The following SPATA16 variants were observed in gnomAD, a reference collection of about 807,000 sequenced individuals.
SPATA16 encodes spermatogenesis-associated protein 16.
In SPATA16, 36 loss-of-function variants were observed where a neutral mutation model predicts 63.3. The ratio of observed to expected loss-of-function variants is 0.57; its 90% CI spans 0.44 to 0.75. The LOEUF (loss-of-function observed/expected upper bound fraction) is 0.75, where lower values mean the gene tolerates loss of function less well. Ranked by LOEUF, SPATA16 falls within the 30% of genes least tolerant of loss-of-function variation. SPATA16 has a pLI of 0.00. For missense variants in SPATA16, 646 were observed against 679.3 expected (o/e 0.95, Z 0.54); for synonymous variants, 203 against 216.7 (o/e 0.94, Z 0.56).
Position 173,061,084 on chromosome 3 carries a change from C to T in SPATA16, c.613-11990G>A, listed in dbSNP as rs112462217. Among the ~76,000 whole-genome samples the T allele has an allele frequency of 2.4e-3, 370 of 152,280 alleles. 2 individuals are homozygous for T. Among genetic ancestry groups the T allele is most frequent in the African/African-American group, 8.5e-3 (355 of 41,550 alleles). ...CTAGAATTGGAAGGGGAAAAAGAAT[C>T]CCAGACTTCAGTCACCAGAGTTCAC... is the stretch of plus-strand genomic sequence containing the variant. On this transcript the variant is annotated intron_variant, in intron 2 of 10. Transcript: ENST00000351008.
chr3:173,077,257 A>G (rs1736829240), intron 2 of SPATA16, among the ~76,000 whole-genome samples: 4 of 152,084 alleles, frequency 2.6e-5, no homozygotes, highest in Admixed American at 2.6e-4. Flanking sequence ...TTCTGATTCC[A>G]AGTATACAGT....
intron 10 of SPATA16, among the ~76,000 whole-genome samples, chr3:172,891,868 C>A (rs1731901507): frequency 6.6e-6 from 1 of 152,272 alleles, no homozygotes; most frequent in South Asian, 2.1e-4. Flanking sequence ...GTCTCAGTAA[C>A]ATTTTTTCAT....
chr3:172,954,683 G>A (rs1733530793), intron 6 of SPATA16, among the ~76,000 whole-genome samples: 1 of 152,100 alleles, frequency 6.6e-6, no homozygotes, highest in Admixed American at 6.6e-5. Flanking sequence ...TTGCCTGGGG[G>A]AAAAAGAGTT....
intron 2 of SPATA16, among the ~76,000 whole-genome samples, chr3:173,050,545 C>T (rs556194360): frequency 2.5e-4 from 38 of 151,818 alleles, no homozygotes; most frequent in Non-Finnish European, 4.9e-4. Context: ...TATATAAATA[C>T]CCCTTTCCTA....
intron 3 of SPATA16, among the ~76,000 whole-genome samples, chr3:173,028,245 A>G (rs1045988459): frequency 6.6e-6 from 1 of 151,624 alleles, no homozygotes; most frequent in Non-Finnish European, 1.5e-5. Flanking sequence ...AATAGGTGGT[A>G]GATCTAGAGA....
chr3:172,984,538 C>T (rs559303295), intron 4 of SPATA16, among the ~76,000 whole-genome samples: 156 of 152,214 alleles, frequency 1.0e-3, no homozygotes, highest in African/African-American at 3.4e-3. Flanking sequence ...AGAAGTTTTT[C>T]GGTCTCTGGA....
At position 172,899,835 on chromosome 3, in the gene SPATA16, G is replaced by A. The variant is rs180988326; in HGVS notation, c.1588-10143C>T. ...ATGTGTGTGTACGTAAAATATGTGT[G>A]TGTGTTCATTTTAAATTTGAAGTAT... On this transcript the variant is annotated intron_variant, in intron 10 of 10. Coordinates refer to ENST00000351008, the MANE Select transcript of SPATA16 (RefSeq NM_031955.6). 7.2e-5 allele frequency among the ~76,000 whole-genome samples: 11 copies of A among 152,126 alleles called. No individual in the cohort carries two copies. In the East Asian group the frequency reaches 1.9e-3, roughly 27 times the overall value.
At chr3:172,893,365 G>A (rs1439295012) in intron 10 of SPATA16, among the ~76,000 whole-genome samples, 1 of 152,148 alleles carries the variant, frequency 6.6e-6, no homozygotes, top group African/African-American at 2.4e-5. Context: ...TTGGGGTGAT[G>A]CCCCCACAAG....
At chr3:172,991,833 A>G (rs1453476950) in intron 4 of SPATA16, among the ~76,000 whole-genome samples, 1 of 152,234 alleles carries the variant, frequency 6.6e-6, no homozygotes, top group Admixed American at 6.5e-5. Context: ...GGTGAACAGC[A>G]TAGGCAAAGT....
At chr3:173,018,682 G>T (rs775479057) in intron 4 of SPATA16, among the ~76,000 whole-genome samples, 5 of 152,078 alleles carry the variant, frequency 3.3e-5, no homozygotes, top group African/African-American at 1.2e-4. Context: ...ACCCCATCTC[G>T]ATTCCTGCAG....
At chr3:173,014,807 T>C (rs367814449) in intron 4 of SPATA16, among the ~76,000 whole-genome samples, 1 of 152,158 alleles carries the variant, frequency 6.6e-6, no homozygotes, top group South Asian at 2.1e-4. Context: ...TTGTACCTGT[T>C]TTCCTGGCGT....
Position 172,889,443 on chromosome 3 carries a change from A to C in SPATA16, c.*127T>G. ...TCTTTGGTAAAGATGAACTGAGGGGAATACCACCTCTTTCTTTTGGTGACA... is the reference window on the plus strand; with the variant it reads ...TCTTTGGTAAAGATGAACTGAGGGGCATACCACCTCTTTCTTTTGGTGACA... On this transcript the variant is annotated 3_prime_UTR_variant, in exon 11 of 11. Transcript: ENST00000351008. The C allele has an allele frequency of 7.6e-7, 1 of 1,308,334 alleles. No individual in the cohort carries two copies. The highest frequency in any genetic ancestry group is 1.1e-6 in the Non-Finnish European group (1 of 914,436). 81.0% of individuals were successfully genotyped at this position (1,308,334 alleles called of 1,614,324 possible).
At chr3:173,094,269 C>CAA (rs1737296672) in intron 2 of SPATA16, among the ~76,000 whole-genome samples, 1 of 152,062 alleles carries the variant, frequency 6.6e-6, no homozygotes, top group Non-Finnish European at 1.5e-5. Context: ...CAAGGGTCAC[C>CAA]GTCCCACTAT....
intron 3 of SPATA16, among the ~76,000 whole-genome samples, chr3:173,028,950 G>C (rs1308394975): frequency 6.6e-6 from 1 of 151,966 alleles, no homozygotes; most frequent in East Asian, 1.9e-4. Flanking sequence ...AATAATATCA[G>C]CCTCAGTAAA....
At chr3:173,139,859 C>T (rs1434009333) in intron 1 of SPATA16, among the ~76,000 whole-genome samples, 3 of 152,086 alleles carry the variant, frequency 2.0e-5, no homozygotes, top group Non-Finnish European at 2.9e-5. Flanking sequence ...GTGGCGTGTG[C>T]TTGTAATCCC....
chr3:172,895,653 A>G (rs1404032710), intron 10 of SPATA16, among the ~76,000 whole-genome samples: 1 of 152,060 alleles, frequency 6.6e-6, no homozygotes, highest in African/African-American at 2.4e-5. Flanking sequence ...TCATTTATAT[A>G]ATTTTGTTAT....
At chr3:173,055,845 C>T (rs1049634587) in intron 2 of SPATA16, among the ~76,000 whole-genome samples, 4 of 152,210 alleles carry the variant, frequency 2.6e-5, no homozygotes, top group Middle Eastern at 3.4e-3. Context: ...ACTGCATAAA[C>T]GGTACATGAG....
intron 3 of SPATA16, among the ~76,000 whole-genome samples, chr3:173,038,883 T>A (rs1735776356): frequency 6.6e-6 from 1 of 152,056 alleles, no homozygotes. Context: ...CTTTCACAAG[T>A]GTTGAGGAAG....
intron 2 of SPATA16, among the ~76,000 whole-genome samples, chr3:173,064,452 C>T (rs1412143660): frequency 1.3e-5 from 2 of 151,622 alleles, no homozygotes; most frequent in Non-Finnish European, 2.9e-5. Flanking sequence ...TATTTTGGCA[C>T]AAACTCCCTG....
Sources: allele counts gnomAD v4.1 joint callset (sites outside exome capture counted in the v4.1 genomes callset), GRCh38; gene constraint gnomAD v4.1.1; transcripts MANE v1.5; gene names NCBI Gene and HGNC (gene_info 2026-07-23, HGNC 2026-07-21).